Variants in LACC1 observed in about 807,000 individuals in gnomAD.
LACC1 encodes purine nucleoside phosphorylase LACC1.
In LACC1, 25 loss-of-function variants were observed where a neutral mutation model predicts 34.8. That is an observed-to-expected ratio of 0.72 (90% CI 0.52 to 1.00). The LOEUF is 1.00. Among genes scored for constraint, LACC1 ranks in the 50% least tolerant of loss-of-function variants. LACC1 has a pLI of 0.00. For synonymous variants in LACC1, 162 were observed against 168.0 expected, an observed-to-expected ratio of 0.96 and a Z score of 0.28; for missense variants, 426 against 511.2, an observed-to-expected ratio of 0.83 and a Z score of 1.61.
At position 43,891,681 on chromosome 13, in the gene LACC1, A is replaced by C; in HGVS notation, c.*234A>C. On this transcript the variant is annotated 3_prime_UTR_variant, in exon 7 of 7. Transcript: ENST00000325686. The stretch of plus-strand genomic sequence containing the variant: ...TGTTTTATGCATGAGAATTATTCTT[A>C]AAGTTTGTTCTCCCTGTTTATTACA... The C allele has an allele frequency of 2.2e-6, 1 of 461,564 alleles. No homozygotes were observed. The highest frequency in any genetic ancestry group is 9.3e-5 in the South Asian group (1 of 10,776). The allele number at this position is 461,564 out of a possible 1,614,324, so 28.6% of individuals were successfully genotyped here.
In LACC1 at chr13:43,892,828, T is replaced by G. The variant is rs1955615420; in HGVS notation, c.*1381T>G. On this transcript the variant is annotated 3_prime_UTR_variant, in exon 7 of 7. Coordinates refer to ENST00000325686, the MANE Select transcript of LACC1 (RefSeq NM_153218.4). ...TGTGGAAAGTACTCAAAAAGAAATC[T>G]TCAGGGATAAAATAAAGTGATAATT... 1 of 152,200 alleles carries G rather than the reference T, an allele frequency of 6.6e-6. No individual in the cohort carries two copies. The highest frequency in any genetic ancestry group is 2.4e-5 in the African/African-American group (1 of 41,454). 9.4% of individuals were successfully genotyped at this position (152,200 alleles called of 1,614,324 possible). A position where few individuals can be genotyped will look rare whatever the true frequency, so the allele number is the denominator to read the frequency against.
chr13:43,888,503 A>G (rs1451008053), intron 4 of LACC1, among the ~76,000 whole-genome samples: 1 of 152,158 alleles, frequency 6.6e-6, no homozygotes, highest in Non-Finnish European at 1.5e-5. Context: ...CTAAGAAGCT[A>G]TGATCTCAGT....
At chr13:43,882,140 A>G (rs1346980100) in intron 2 of LACC1, 45 bp from the exon 3 acceptor site, 1 of 1,482,112 alleles carries the variant, frequency 6.7e-7, no homozygotes, top group Non-Finnish European at 9.2e-7. Flanking sequence ...AGAGACTGGT[A>G]TTTTGAATAG....
intron 6 of LACC1, 25 bp downstream of exon 6, chr13:43,890,299 TCC>T: frequency 2.5e-6 from 4 of 1,587,292 alleles, no homozygotes; most frequent in Non-Finnish European, 3.4e-6. Context: ...CTCTCCTCTC[TCC>T]GTTTTTCCTC....
chr13:43,879,778 TGAGGCGGGGCGAGGCGGGGCGAGGC>T (rs1403893730), upstream of LACC1: 560 of 102,980 alleles, frequency 5.4e-3, 1 homozygote, highest in Non-Finnish European at 6.8e-3. Context: ...GGGGGCGAGG[TGAGGCGGGGCGAGGCGGGGCGAGGC>T]GAGGCGGGGC....
rs1429258117 is a variant in LACC1, at chr13:43,893,410, A to T, written c.*1963A>T. 2 of 152,030 alleles carry T rather than the reference A, an allele frequency of 1.3e-5. No individual in the cohort carries two copies. Among genetic ancestry groups the T allele is most frequent in the Admixed American group, 6.6e-5 (1 of 15,266 alleles). 9.4% of individuals were successfully genotyped at this position (152,030 alleles called of 1,614,324 possible). On this transcript the variant is annotated 3_prime_UTR_variant, in exon 7 of 7. Coordinates refer to ENST00000325686, the MANE Select transcript of LACC1 (RefSeq NM_153218.4). ...CCTTTCAGATTTTAAAATTAATTAA[A>T]GGGATCTTCATTATACTTTTATTGT... is the stretch of plus-strand genomic sequence containing the variant.
upstream of LACC1, chr13:43,879,391 T>C (rs1387001152): frequency 6.5e-6 from 1 of 153,094 alleles, no homozygotes; most frequent in Non-Finnish European, 1.5e-5. Context: ...CTTTCCGGAC[T>C]CGGCCTGCCC....
In LACC1 at chr13:43,888,818, T is replaced by C. The variant is rs751039111; in HGVS notation, c.969T>C (p.Tyr323=). 1.2e-4 allele frequency: 187 copies of C among 1,613,816 alleles called. No individual in the cohort carries two copies. The highest frequency in any genetic ancestry group is 1.5e-4 in the Non-Finnish European group (181 of 1,179,854). ...CAGTGAATGCTATGATAGCAGAATA[T>C]GGCTGCAGTTTGGAAGACATTGTTG... is the stretch of plus-strand genomic sequence containing the variant. ...MATVNAMIAE[Y]GCSLEDIVVV... Residue 323 remains tyrosine, a synonymous_variant, in exon 5 of 7, where the codon TAT becomes TAC. Transcript: ENST00000325686.
intron 5 of LACC1, among the ~76,000 whole-genome samples, chr13:43,889,438 T>G (rs913077951): frequency 7.2e-5 from 11 of 152,160 alleles, no homozygotes; most frequent in African/African-American, 2.4e-4. Flanking sequence ...TACTTTTAAG[T>G]TTTTTACAGT....
upstream of LACC1, chr13:43,879,818 T>C (rs61959968): frequency 2.7e-3 from 67 of 24,764 alleles, 2 homozygotes; most frequent in East Asian, 0.034. Context: ...CGGGGCGAGG[T>C]GGGCGAGGTG....
chr13:43,887,339 G>A (rs1955378676), intron 4 of LACC1, among the ~76,000 whole-genome samples: 1 of 152,232 alleles, frequency 6.6e-6, no homozygotes, highest in Non-Finnish European at 1.5e-5. Flanking sequence ...ACCTTTTGAA[G>A]GGTATGAGTA....
Position 43,881,335 on chromosome 13 carries a change from C to T in LACC1, c.350C>T (p.Ala117Val). Residue 117 changes from alanine to valine, a missense_variant, in exon 2 of 7, where the codon GCT becomes GTT. Ala to Val is a moderately conservative substitution (Grantham distance 64). This residue lies in a region of LACC1 where 217 missense variants were observed against 210.9 expected (regional missense o/e 1.03). Transcript: ENST00000325686. ...AGGCACAGGAAGACATTAATGAAAGCTTTTATTGATCAACTCTTCACTGAT... is the reference window on the plus strand; with the variant it reads ...AGGCACAGGAAGACATTAATGAAAGTTTTTATTGATCAACTCTTCACTGAT... ...VPRHRKTLMK[A>V]FIDQLFTDVY... is the part of the protein sequence containing the mutation. The T allele has an allele frequency of 1.2e-6, 2 of 1,613,874 alleles. No homozygotes were observed. Among genetic ancestry groups the T allele is most frequent in the Non-Finnish European group, 1.7e-6 (2 of 1,179,916 alleles).
rs1385581951 is a variant in LACC1, at chr13:43,881,478, G to T, written c.493G>T (p.Glu165Ter). The change falls in exon 2 of 7, where the codon GAA becomes TAA. Residue 165 changes from glutamate (E) to a stop codon, truncating the protein, a stop_gained. Coordinates refer to ENST00000325686, the MANE Select transcript of LACC1 (RefSeq NM_153218.4). LOFTEE classifies it high-confidence loss of function. ...QELRGIQNEIETFLRSLPALR... is the reference protein window; with the variant it reads ...QELRGIQNEI Reference sequence around the variant, plus strand: ...ACTAAGAGGAATTCAGAATGAAATAGAAACATTTTTGAGAAGTCTGCCAGC... The same window carrying T: ...ACTAAGAGGAATTCAGAATGAAATATAAACATTTTTGAGAAGTCTGCCAGC... 1 of 1,613,372 alleles carries T rather than the reference G, an allele frequency of 6.2e-7. No homozygotes were observed. Among genetic ancestry groups the T allele is most frequent in the Non-Finnish European group, 8.5e-7 (1 of 1,179,880 alleles).
chr13:43,881,466 C>A lies in LACC1; in HGVS notation c.481C>A (p.Gln161Lys). 2.5e-6 allele frequency: 4 copies of A among 1,613,772 alleles called. No homozygotes were observed. The highest frequency in any genetic ancestry group is 3.4e-6 in the Non-Finnish European group (4 of 1,179,904). The change falls in exon 2 of 7, where the codon CAG becomes AAG. Residue 161 changes from glutamine (Q) to lysine (K), a missense_variant. By Grantham distance (53) the Gln-to-Lys change is moderately conservative. Coordinates refer to ENST00000325686, the MANE Select transcript of LACC1 (RefSeq NM_153218.4). Reference sequence around the variant, plus strand: ...CACAGCTCAAGAACTAAGAGGAATTCAGAATGAAATAGAAACATTTTTGAG... The same window carrying A: ...CACAGCTCAAGAACTAAGAGGAATTAAGAATGAAATAGAAACATTTTTGAG... ...VITAQELRGI[Q>K]NEIETFLRSL...
chr13:43,891,613 A>G lies in LACC1; in HGVS notation c.*166A>G, dbSNP rs964976319. 5.1e-6 allele frequency: 4 copies of G among 778,084 alleles called. No individual in the cohort carries two copies. The African/African-American group carries it at 5.7e-5, about 11-fold the overall frequency. The allele number at this position is 778,084 out of a possible 1,614,324, so 48.2% of individuals were successfully genotyped here. On this transcript the variant is annotated 3_prime_UTR_variant, in exon 7 of 7. Coordinates refer to ENST00000325686, the MANE Select transcript of LACC1 (RefSeq NM_153218.4). ...TTCAAAGCCAAATGATTTTCATTTAATTGTAATAATAACTGACAAAAATCA... is the reference window on the plus strand; with the variant it reads ...TTCAAAGCCAAATGATTTTCATTTAGTTGTAATAATAACTGACAAAAATCA...
Position 43,882,370 on chromosome 13 carries a change from T to G in LACC1, c.741+7T>G, listed in dbSNP as rs986901642. 1.9e-6 allele frequency: 3 copies of G among 1,601,046 alleles called. No homozygotes were observed. Among genetic ancestry groups the G allele is most frequent in the Non-Finnish European group, 2.6e-6 (3 of 1,174,892 alleles). ...GAAATTTTACCGAATAAAGGTAAAATTTTGCTTTATATTTTGAAAGATCTA... is the reference window on the plus strand; with the variant it reads ...GAAATTTTACCGAATAAAGGTAAAAGTTTGCTTTATATTTTGAAAGATCTA... On this transcript the variant is annotated splice_region_variant and intron_variant, in intron 3 of 6. Coordinates refer to ENST00000325686, the MANE Select transcript of LACC1 (RefSeq NM_153218.4).
In LACC1 at chr13:43,892,674, G is replaced by T. The variant is rs1240939570; in HGVS notation, c.*1227G>T. On this transcript the variant is annotated 3_prime_UTR_variant, in exon 7 of 7. Transcript: ENST00000325686. ...AGCTTACAATACAGAGATGATACCT[G>T]ATTCTATTGGAGCAGGTTTGATCAT... The T allele has an allele frequency of 2.0e-5, 3 of 152,096 alleles. No homozygotes were observed. Among genetic ancestry groups the T allele is most frequent in the African/African-American group, 7.2e-5 (3 of 41,426 alleles). The allele number at this position is 152,096 out of a possible 1,614,324, so 9.4% of individuals were successfully genotyped here.
intron 3 of LACC1, among the ~76,000 whole-genome samples, chr13:43,882,564 G>GAGATAT (rs1555395025): frequency 7.2e-6 from 1 of 139,116 alleles, no homozygotes; most frequent in Non-Finnish European, 1.5e-5. Flanking sequence ...CACACGTGCA[G>GAGATAT]ATATATATAT....
At position 43,882,276 on chromosome 13, in the gene LACC1, G is replaced by A. The variant is rs1955105923; in HGVS notation, c.654G>A (p.Arg218=). ...SSFNLFSSSK[R]RDPKVVVQEN... ...TCAATCTCTTCAGTAGTTCCAAACGGAGAGATCCCAAGGTAGTGGTTCAAG... is the reference window on the plus strand; with the variant it reads ...TCAATCTCTTCAGTAGTTCCAAACGAAGAGATCCCAAGGTAGTGGTTCAAG... The change falls in exon 3 of 7, where the codon CGG becomes CGA. Residue 218 remains arginine (R), a synonymous_variant. Coordinates refer to ENST00000325686, the MANE Select transcript of LACC1 (RefSeq NM_153218.4). The A allele has an allele frequency of 6.2e-7, 1 of 1,613,718 alleles. No homozygotes were observed. The highest frequency in any genetic ancestry group is 1.3e-5 in the African/African-American group (1 of 75,022).
Sources: allele counts gnomAD v4.1 joint callset (sites outside exome capture counted in the v4.1 genomes callset), GRCh38; gene constraint gnomAD v4.1.1; regional missense constraint gnomAD v4.1.1; transcripts MANE v1.5; gene names NCBI Gene and HGNC (gene_info 2026-07-23, HGNC 2026-07-21).